ACVR1: variants seen among roughly 807,000 people sequenced by gnomAD.
ACVR1 encodes activin A receptor type 1, also known as activin receptor type-1.
A neutral mutation model predicts 57.1 loss-of-function variants in ACVR1; 38 were observed. The ratio of observed to expected loss-of-function variants is 0.67; its 90% confidence interval spans 0.51 to 0.87. The LOEUF (loss-of-function observed/expected upper bound fraction) is 0.87, where lower values mean the gene tolerates loss of function less well. Among genes scored for constraint, ACVR1 ranks in the 40% least tolerant of loss-of-function variants. The pLI is 0.00. For missense variants in ACVR1, 463 were observed against 638.2 expected (o/e 0.73, Z 2.96); for synonymous variants, 212 against 228.1 (o/e 0.93, Z 0.63).
intron 2 of ACVR1, among the ~76,000 whole-genome samples, chr2:157,817,818 GT>G (rs2105328442): frequency 6.6e-6 from 1 of 152,176 alleles, no homozygotes; most frequent in South Asian, 2.1e-4. Flanking sequence ...GGCCAATATG[GT>G]GAAACCCCGT....
chr2:157,799,446 G>C lies in ACVR1; in HGVS notation c.48C>G (p.Leu16=). The stretch of plus-strand genomic sequence containing the variant: ...ACTTACCTTCCATACTAGGGGAGGG[G>C]AGAGCAATCATGATAAGCACAGGAA... ...MILPVLIMIA[L]PSPSMEDEKP... The change falls in exon 3 of 11, where the codon CTC becomes CTG. Residue 16 remains leucine, a synonymous_variant. Coordinates refer to ENST00000434821, the MANE Select transcript of ACVR1 (RefSeq NM_001111067.4). 2 of 1,612,320 alleles carry C rather than the reference G, an allele frequency of 1.2e-6. No individual in the cohort carries two copies. Among genetic ancestry groups the C allele is most frequent in the Non-Finnish European group, 1.7e-6 (2 of 1,178,794 alleles).
intron 1 of ACVR1, among the ~76,000 whole-genome samples, chr2:157,837,126 C>CTTTTT (rs1429815519): frequency 6.6e-6 from 1 of 152,224 alleles, no homozygotes; most frequent in East Asian, 1.9e-4. Flanking sequence ...ACTCAAATAT[C>CTTTTT]TTTTCCCTTC....
chr2:157,775,809 T>A (rs1042510412), intron 5 of ACVR1, among the ~76,000 whole-genome samples: 1 of 152,216 alleles, frequency 6.6e-6, no homozygotes, highest in Non-Finnish European at 1.5e-5. Context: ...TTCACAGACC[T>A]AAGGAAAGAA....
In ACVR1 at chr2:157,876,016, G is replaced by A. The variant is rs536771390; in HGVS notation, c.-403C>T. On this transcript the variant is annotated 5_prime_UTR_variant, in exon 1 of 11. Transcript: ENST00000434821. Reference sequence around the variant, plus strand: ...AGCGGAGCGGTGCGTGGGGCCGGGAGCTTCCCGGCCCTGGGGCCGGCGCGG... The same window carrying A: ...AGCGGAGCGGTGCGTGGGGCCGGGAACTTCCCGGCCCTGGGGCCGGCGCGG... 5.6e-4 allele frequency among the ~76,000 whole-genome samples: 83 copies of A among 147,850 alleles called. No individual in the cohort carries two copies. Among genetic ancestry groups the A allele is most frequent in the East Asian group, 3.6e-3 (18 of 4,960 alleles).
intron 3 of ACVR1, among the ~76,000 whole-genome samples, chr2:157,781,137 A>C (rs1159086691): frequency 6.6e-6 from 1 of 152,214 alleles, no homozygotes; most frequent in African/African-American, 2.4e-5. Context: ...CTACAAACTG[A>C]GTATCCCTTA....
At chr2:157,742,781 C>T (rs1684828263) in intron 9 of ACVR1, among the ~76,000 whole-genome samples, 1 of 152,138 alleles carries the variant, frequency 6.6e-6, no homozygotes, top group African/African-American at 2.4e-5. Context: ...AGAAACAAGT[C>T]CTTCCTCAAG....
intron 2 of ACVR1, among the ~76,000 whole-genome samples, chr2:157,811,337 A>G (rs1428427784): frequency 1.3e-5 from 2 of 152,128 alleles, no homozygotes; most frequent in Non-Finnish European, 2.9e-5. Flanking sequence ...CCAGGTTGAG[A>G]ATGAAATCAC....
chr2:157,860,122 G>T (rs1045598949), intron 1 of ACVR1: 2 of 152,142 alleles, frequency 1.3e-5, no homozygotes, highest in East Asian at 3.9e-4. Context: ...CAAGTTTGGG[G>T]ACCAGTCCAT....
chr2:157,766,253 G>C, intron 7 of ACVR1, 57 bp from the exon 8 acceptor site: 1 of 1,571,514 alleles, frequency 6.4e-7, no homozygotes, highest in Non-Finnish European at 8.7e-7. Flanking sequence ...ATAACTTAAA[G>C]TATTTAGAAA....
chr2:157,751,108 A>T (rs1685175894), intron 9 of ACVR1, among the ~76,000 whole-genome samples: 1 of 152,238 alleles, frequency 6.6e-6, no homozygotes, highest in South Asian at 2.1e-4. Context: ...CCTGGGAGAC[A>T]GTCCAAATAC....
chr2:157,833,589 T>G (rs1055704480), intron 1 of ACVR1, among the ~76,000 whole-genome samples: 1 of 152,150 alleles, frequency 6.6e-6, no homozygotes, highest in African/African-American at 2.4e-5. Flanking sequence ...ACGTTAGCAA[T>G]TGTCTCTGTT....
chr2:157,746,384 ACT>A (rs1252315049), intron 9 of ACVR1, among the ~76,000 whole-genome samples: 2 of 152,186 alleles, frequency 1.3e-5, no homozygotes, highest in Non-Finnish European at 2.9e-5. Context: ...ATGACGTCAG[ACT>A]CTGGAATGTT....
At chr2:157,745,481 C>T (rs1050974911) in intron 9 of ACVR1, among the ~76,000 whole-genome samples, 1 of 152,150 alleles carries the variant, frequency 6.6e-6, no homozygotes, top group African/African-American at 2.4e-5. Flanking sequence ...GACTACTAGT[C>T]AGTAAACAGC....
chr2:157,770,815 T>A (rs1051525049), intron 6 of ACVR1, among the ~76,000 whole-genome samples: 1 of 152,340 alleles, frequency 6.6e-6, no homozygotes, highest in Middle Eastern at 3.4e-3. Flanking sequence ...TAAATTCCTC[T>A]GTTGAAAGGT....
chr2:157,859,761 C>A (rs1487011062), intron 1 of ACVR1, among the ~76,000 whole-genome samples: 2 of 152,286 alleles, frequency 1.3e-5, no homozygotes, highest in East Asian at 3.9e-4. Flanking sequence ...AATTTGTGCC[C>A]ACACTTCGAT....
intron 1 of ACVR1, among the ~76,000 whole-genome samples, chr2:157,841,238 C>T (rs1688963086): frequency 6.6e-6 from 1 of 152,058 alleles, no homozygotes; most frequent in Non-Finnish European, 1.5e-5. Context: ...CTATAGAATA[C>T]ACAGGCTCAA....
intron 9 of ACVR1, among the ~76,000 whole-genome samples, chr2:157,759,369 C>T (rs1685554797): frequency 6.6e-6 from 1 of 151,642 alleles, no homozygotes; most frequent in African/African-American, 2.4e-5. Flanking sequence ...AATTGGAAAA[C>T]CTAGAGGAAA....
intron 7 of ACVR1, among the ~76,000 whole-genome samples, chr2:157,768,472 G>A (rs1048732812): frequency 6.6e-6 from 1 of 152,052 alleles, no homozygotes; most frequent in Non-Finnish European, 1.5e-5. Context: ...CAAGAAAAAG[G>A]AGCTTCTGAT....
At chr2:157,825,120 C>T (rs559851228) in intron 1 of ACVR1, among the ~76,000 whole-genome samples, 15 of 152,290 alleles carry the variant, frequency 9.8e-5, no homozygotes, top group African/African-American at 3.1e-4. Flanking sequence ...CTATGCAAGG[C>T]CCACTGAAAT....
Sources: gnomAD v4.1 joint callset for allele counts (sites outside exome capture counted in the v4.1 genomes callset) on GRCh38, gnomAD v4.1.1 for gene constraint, MANE v1.5 for transcripts, NCBI Gene and HGNC (gene_info 2026-07-23, HGNC 2026-07-21) for gene names.